NUP155: variants seen among roughly 807,000 people sequenced by gnomAD.
The protein encoded by NUP155 is nuclear pore complex protein Nup155.
Under a neutral mutation model 180.4 loss-of-function variants are expected in NUP155, and 71 were observed. The ratio of observed to expected loss-of-function variants is 0.39; its 90% CI spans 0.33 to 0.48. The LOEUF is 0.48. Among genes scored for constraint, NUP155 ranks in the 20% least tolerant of loss-of-function variants. The probability of loss-of-function intolerance (pLI) is 0.91; values close to 1 mark genes in which losing one functional copy is unlikely to be tolerated. For missense variants in NUP155, 1,553 were observed against 1,648.9 expected, an observed-to-expected ratio of 0.94 and a Z score of 1.01; for synonymous variants, 582 against 559.5, an observed-to-expected ratio of 1.04 and a Z score of -0.57.
chr5:37,360,601 C>G (rs1747135609), intron 3 of NUP155, among the ~76,000 whole-genome samples: 1 of 151,576 alleles, frequency 6.6e-6, no homozygotes. Flanking sequence ...GCTTGCCCAA[C>G]CCGGTGAAAC....
In NUP155 at chr5:37,328,405, C is replaced by G; in HGVS notation, c.1829G>C (p.Ser610Thr). 1 of 1,604,606 alleles carries G rather than the reference C, an allele frequency of 6.2e-7. No individual in the cohort carries two copies. Among genetic ancestry groups the G allele is most frequent in the Non-Finnish European group, 8.5e-7 (1 of 1,171,504 alleles). The change falls in exon 17 of 35, where the codon AGT (serine) becomes ACT (threonine). Residue 610 changes from serine (S) to threonine (T), a missense_variant. Transcript: ENST00000231498. Reference protein sequence around the residue: ...SPVYSSSPVPSGSPYPNPSFL... With the variant: ...SPVYSSSPVPTGSPYPNPSFL... Reference sequence around the variant, plus strand: ...GGATGGATTTGGATAGGGACTACCACTAGGAACAGGAGAACCTAAAAAGGG... The same window carrying G: ...GGATGGATTTGGATAGGGACTACCAGTAGGAACAGGAGAACCTAAAAAGGG...
chr5:37,357,005 G>A (rs1260606047), intron 4 of NUP155, among the ~76,000 whole-genome samples: 1 of 152,150 alleles, frequency 6.6e-6, no homozygotes, highest in Non-Finnish European at 1.5e-5. Flanking sequence ...TACTTGGAAG[G>A]CTGAGGCAAG....
chr5:37,324,323 T>C (rs1032495017), intron 19 of NUP155, among the ~76,000 whole-genome samples: 11 of 152,086 alleles, frequency 7.2e-5, no homozygotes, highest in African/African-American at 1.4e-4. Context: ...TAAGAAAACA[T>C]CTTGATTACT....
chr5:37,368,808 G>A (rs1434302702), intron 1 of NUP155, among the ~76,000 whole-genome samples: 1 of 151,868 alleles, frequency 6.6e-6, no homozygotes, highest in Non-Finnish European at 1.5e-5. Context: ...GTAAGACTCT[G>A]TCTCAAAAAA....
intron 22 of NUP155, among the ~76,000 whole-genome samples, chr5:37,313,368 T>C (rs1330593413): frequency 1.3e-5 from 2 of 149,684 alleles, no homozygotes; most frequent in Non-Finnish European, 3.0e-5. Flanking sequence ...GAGGTGGAGG[T>C]TGCAGCGAGC....
At chr5:37,296,736 G>C (rs1338758115) in intron 32 of NUP155, among the ~76,000 whole-genome samples, 2 of 150,174 alleles carry the variant, frequency 1.3e-5, no homozygotes, top group Non-Finnish European at 2.9e-5. Context: ...CACTTTAACA[G>C]CTTTTCAGAA....
chr5:37,358,284 G>T, intron 3 of NUP155, 133 bp from the exon 4 acceptor site: 2 of 712,474 alleles, frequency 2.8e-6, no homozygotes, highest in East Asian at 2.6e-5. Flanking sequence ...TTCAAGACCA[G>T]CCTGGGCAAC....
At chr5:37,338,519 G>A (rs1745501314) in intron 11 of NUP155, among the ~76,000 whole-genome samples, 1 of 148,876 alleles carries the variant, frequency 6.7e-6, no homozygotes, top group Non-Finnish European at 1.5e-5. Context: ...TCATTCTCCT[G>A]CCTCAGCCTC....
chr5:37,325,382 T>C (rs910412825), intron 19 of NUP155, among the ~76,000 whole-genome samples: 4 of 152,138 alleles, frequency 2.6e-5, no homozygotes, highest in African/African-American at 7.2e-5. Context: ...TGTTAAGTAA[T>C]TTACTCATAT....
At chr5:37,304,175 G>A (rs1047536321) in intron 27 of NUP155, among the ~76,000 whole-genome samples, 4 of 149,184 alleles carry the variant, frequency 2.7e-5, no homozygotes, top group Admixed American at 6.7e-5. Context: ...GCTGGAACCC[G>A]GGAGGCGGAG....
intron 1 of NUP155, among the ~76,000 whole-genome samples, chr5:37,365,427 G>A (rs191863906): frequency 5.5e-4 from 84 of 151,518 alleles, no homozygotes; most frequent in African/African-American, 1.9e-3. Context: ...TATATACACC[G>A]TTGGGCGCGG....
chr5:37,347,447 G>A (rs547121662), intron 9 of NUP155, among the ~76,000 whole-genome samples: 2 of 143,096 alleles, frequency 1.4e-5, no homozygotes, highest in South Asian at 2.2e-4. Context: ...TGTAATCCCA[G>A]CACTTTGGGA....
intron 21 of NUP155, among the ~76,000 whole-genome samples, chr5:37,314,695 G>C (rs1207243612): frequency 1.3e-5 from 2 of 152,120 alleles, no homozygotes; most frequent in African/African-American, 4.8e-5. Flanking sequence ...AAATTAGCTG[G>C]TGGGGGGGAT....
At chr5:37,348,804 G>A (rs1746272151) in intron 8 of NUP155, among the ~76,000 whole-genome samples, 1 of 151,842 alleles carries the variant, frequency 6.6e-6, no homozygotes, top group Non-Finnish European at 1.5e-5. Context: ...TGCCCAGGCT[G>A]GAGGGCAAAG....
intron 12 of NUP155, among the ~76,000 whole-genome samples, chr5:37,336,166 T>A (rs1193229337): frequency 6.6e-6 from 1 of 152,072 alleles, no homozygotes; most frequent in Non-Finnish European, 1.5e-5. Context: ...TCAAATTATA[T>A]GACATGCAGC....
Position 37,305,217 on chromosome 5 carries a change from G to A in NUP155, c.2904-7C>T. 1 of 1,607,554 alleles carries A rather than the reference G, an allele frequency of 6.2e-7. No homozygotes were observed. The highest frequency in any genetic ancestry group is 8.5e-7 in the Non-Finnish European group (1 of 1,174,968). Reference sequence around the variant, plus strand: ...GCATTTGTAACTGTTTAATCTGAAAGAAAATGGAAAAGGAACAATTACATT... The same window carrying A: ...GCATTTGTAACTGTTTAATCTGAAAAAAAATGGAAAAGGAACAATTACATT... On this transcript the variant is annotated splice_polypyrimidine_tract_variant and splice_region_variant and intron_variant, in intron 25 of 34. Transcript: ENST00000231498.
intron 3 of NUP155, among the ~76,000 whole-genome samples, chr5:37,359,696 TGA>T (rs1201412822): frequency 1.3e-5 from 2 of 152,090 alleles, no homozygotes; most frequent in Non-Finnish European, 2.9e-5. Context: ...TAAGAAATCA[TGA>T]GACACAAAAT....
chr5:37,354,839 C>T (rs1222831747), intron 4 of NUP155, among the ~76,000 whole-genome samples: 4 of 152,042 alleles, frequency 2.6e-5, no homozygotes, highest in Non-Finnish European at 5.9e-5. Flanking sequence ...CGCCTGTAAT[C>T]TCAGCACTTT....
At chr5:37,297,322 A>G (rs1742640371) in intron 32 of NUP155, among the ~76,000 whole-genome samples, 2 of 151,926 alleles carry the variant, frequency 1.3e-5, no homozygotes, top group South Asian at 4.2e-4. Flanking sequence ...CAAAGCCCAC[A>G]TGATTATTTC....
Sources: allele counts gnomAD v4.1 joint callset (sites outside exome capture counted in the v4.1 genomes callset), GRCh38; gene constraint gnomAD v4.1.1; transcripts MANE v1.5; gene names NCBI Gene and HGNC (gene_info 2026-07-23, HGNC 2026-07-21).